The following KIAA1217 variants were observed in gnomAD, a reference collection of about 807,000 sequenced individuals.
KIAA1217 encodes the protein KIAA1217, also known as sickle tail protein homolog.
A neutral mutation model predicts 163.9 loss-of-function variants in KIAA1217; 88 were observed. That is an observed-to-expected ratio of 0.54 (90% CI 0.45 to 0.64). The LOEUF is 0.64. Ranked by LOEUF, KIAA1217 falls within the 30% of genes least tolerant of loss-of-function variation. KIAA1217 has a pLI of 0.00. For synonymous variants in KIAA1217, 903 were observed against 923.1 expected, an observed-to-expected ratio of 0.98 and a Z score of 0.39; for missense variants, 2,372 against 2,475.0, an observed-to-expected ratio of 0.96 and a Z score of 0.88.
chr10:24,516,585 G>A (rs1028056238), intron 10 of KIAA1217, among the ~76,000 whole-genome samples: 19 of 152,230 alleles, frequency 1.2e-4, no homozygotes, highest in Non-Finnish European at 2.6e-4. Context: ...AAGACACTGA[G>A]TGTTTGGGTT....
At chr10:23,734,337 A>T (rs1014400097) in intron 1 of KIAA1217, among the ~76,000 whole-genome samples, 11 of 149,224 alleles carry the variant, frequency 7.4e-5, no homozygotes, top group Non-Finnish European at 1.6e-4. Context: ...CCCAGGCTGG[A>T]GTGCAGTGGC....
At chr10:24,327,342 T>G (rs2045050239) in intron 2 of KIAA1217, among the ~76,000 whole-genome samples, 2 of 152,212 alleles carry the variant, frequency 1.3e-5, no homozygotes, top group South Asian at 4.1e-4. Flanking sequence ...TCCTAAAACA[T>G]GGCTACCTAT....
intron 9 of KIAA1217, among the ~76,000 whole-genome samples, chr10:24,502,381 A>G (rs766333946): frequency 1.6e-4 from 25 of 151,970 alleles, no homozygotes; most frequent in South Asian, 2.1e-4. Context: ...CATTTCATTC[A>G]GATACTGTGA....
chr10:24,300,590 T>G (rs546750821), intron 2 of KIAA1217, among the ~76,000 whole-genome samples: 1 of 152,170 alleles, frequency 6.6e-6, no homozygotes, highest in Non-Finnish European at 1.5e-5. Flanking sequence ...TTTTTTGAGA[T>G]GGAGTCTCAT....
chr10:24,500,271 T>C (rs1358979801), intron 8 of KIAA1217, among the ~76,000 whole-genome samples: 1 of 150,696 alleles, frequency 6.6e-6, no homozygotes, highest in African/African-American at 2.4e-5. Context: ...TGTGTGCGTG[T>C]GTGTGTGTGT....
chr10:24,488,326 G>GT (rs1170601203), intron 6 of KIAA1217, among the ~76,000 whole-genome samples: 2 of 152,170 alleles, frequency 1.3e-5, no homozygotes, highest in Admixed American at 1.3e-4. Flanking sequence ...TTCCTGGGTA[G>GT]TGGTAGGGAA....
rs1259359408 is a variant in KIAA1217, at chr10:23,699,343, C to T, written c.-321+4109C>T. 5.9e-5 allele frequency among the ~76,000 whole-genome samples: 9 copies of T among 152,298 alleles called. No homozygotes were observed. In the East Asian group the frequency reaches 1.2e-3, roughly 20 times the overall value. On this transcript the variant is annotated intron_variant, in intron 1 of 18. Coordinates refer to the KIAA1217 transcript ENST00000376462. ...ACAGTTTCAGACACAGAAGGGACTG[C>T]GAAGACCATCTGGTTCATTTTAGAG...
intron 2 of KIAA1217, among the ~76,000 whole-genome samples, chr10:24,147,976 A>G (rs1051707749): frequency 2.0e-5 from 3 of 151,800 alleles, no homozygotes; most frequent in African/African-American, 7.3e-5. Context: ...TAGTGCATGT[A>G]TTACCAAACC....
intron 6 of KIAA1217, among the ~76,000 whole-genome samples, chr10:24,479,590 T>C (rs1285573417): frequency 3.9e-5 from 6 of 152,280 alleles, no homozygotes; most frequent in Non-Finnish European, 4.4e-5. Context: ...CTGTGCATTG[T>C]AGGATGTTGT....
At chr10:23,747,074 T>G (rs1452210890) in intron 1 of KIAA1217, among the ~76,000 whole-genome samples, 4 of 152,140 alleles carry the variant, frequency 2.6e-5, no homozygotes, top group Non-Finnish European at 5.9e-5. Context: ...AAGCGAAGAC[T>G]ACGCAGGGCC....
At chr10:23,733,687 T>C (rs1160678343) in intron 1 of KIAA1217, among the ~76,000 whole-genome samples, 2 of 152,142 alleles carry the variant, frequency 1.3e-5, no homozygotes, top group Non-Finnish European at 2.9e-5. Flanking sequence ...ACCGTGGGTA[T>C]AGTACCCGCC....
At chr10:24,470,674 A>C (rs921889856) in intron 5 of KIAA1217, among the ~76,000 whole-genome samples, 10 of 152,306 alleles carry the variant, frequency 6.6e-5, no homozygotes, top group South Asian at 2.1e-4. Flanking sequence ...AGGAGCCTGC[A>C]TACTCCAGGG....
intron 2 of KIAA1217, among the ~76,000 whole-genome samples, chr10:24,332,998 A>G (rs1446488926): frequency 6.6e-6 from 1 of 152,096 alleles, no homozygotes; most frequent in East Asian, 1.9e-4. Flanking sequence ...GTAGAAGGGC[A>G]GGGCAGAGTA....
intron 1 of KIAA1217, among the ~76,000 whole-genome samples, chr10:23,959,922 T>C (rs2131370889): frequency 6.7e-6 from 1 of 148,290 alleles, no homozygotes; most frequent in African/African-American, 2.5e-5. Context: ...TTTTTTTTTT[T>C]TTTTTTTTTT....
chr10:24,074,264 G>T (rs919573118), intron 2 of KIAA1217, among the ~76,000 whole-genome samples: 10 of 152,092 alleles, frequency 6.6e-5, no homozygotes, highest in African/African-American at 1.9e-4. Context: ...CAGGAGAATT[G>T]CTTGAACCCG....
At chr10:24,214,025 T>C (rs1404106426) in intron 1 of KIAA1217, among the ~76,000 whole-genome samples, 4 of 151,846 alleles carry the variant, frequency 2.6e-5, no homozygotes, top group Non-Finnish European at 5.9e-5. Flanking sequence ...GCATGGTGAC[T>C]ATGCACCTGT....
intron 2 of KIAA1217, among the ~76,000 whole-genome samples, chr10:24,083,530 A>T (rs1373253318): frequency 2.0e-5 from 3 of 152,222 alleles, no homozygotes; most frequent in Non-Finnish European, 4.4e-5. Context: ...GTGGTTCTTC[A>T]TATATACACA....
chr10:23,876,812 T>G (rs1278998559), intron 1 of KIAA1217, among the ~76,000 whole-genome samples: 2 of 151,956 alleles, frequency 1.3e-5, no homozygotes, highest in African/African-American at 4.8e-5. Context: ...GATTTAAAGC[T>G]GTATATGCTT....
chr10:23,729,956 C>G (rs148648995), intron 1 of KIAA1217, among the ~76,000 whole-genome samples: 1 of 151,590 alleles, frequency 6.6e-6, no homozygotes, highest in African/African-American at 2.4e-5. Flanking sequence ...GGCTGGAGTG[C>G]AGTGGCACGA....
Sources: gnomAD v4.1 joint callset for allele counts (sites outside exome capture counted in the v4.1 genomes callset) on GRCh38, gnomAD v4.1.1 for gene constraint, MANE v1.5 for transcripts, NCBI Gene and HGNC (gene_info 2026-07-23, HGNC 2026-07-21) for gene names.